Variants in PTOV1 observed in about 807,000 individuals in gnomAD.
PTOV1 encodes PTOV1 extended AT-hook containing adaptor protein.
PTOV1 carries 20 observed loss-of-function variants against 58.0 expected under a neutral mutation model. The ratio of observed to expected loss-of-function variants is 0.34; its 90% CI spans 0.24 to 0.50. The LOEUF is 0.50. Among genes scored for constraint, PTOV1 ranks in the 20% least tolerant of loss-of-function variants. The probability of loss-of-function intolerance (pLI) is 0.98; values close to 1 mark genes in which losing one functional copy is unlikely to be tolerated. For missense variants in PTOV1, 593 were observed against 565.4 expected, an observed-to-expected ratio of 1.05 and a Z score of -0.50; for synonymous variants, 335 against 234.2, an observed-to-expected ratio of 1.43 and a Z score of -3.93.
At position 49,859,982 on chromosome 19, in the gene PTOV1, C is replaced by G. The variant is rs757875037; in HGVS notation, c.1042-4C>G. On this transcript the variant is annotated splice_polypyrimidine_tract_variant and splice_region_variant and intron_variant, in intron 10 of 11. Transcript: ENST00000391842. ...CTGGTGACACCACGCCCTGTGCCTG[C>G]CAGGCCGGCTGCGTGCACTTTTCCT... is the stretch of plus-strand genomic sequence containing the variant. 1 of 1,614,034 alleles carries G rather than the reference C, an allele frequency of 6.2e-7. No homozygotes were observed.
intron 10 of PTOV1, chr19:49,859,735 G>GCCTGC: frequency 1.8e-6 from 1 of 552,794 alleles, no homozygotes; most frequent in Non-Finnish European, 3.2e-6. Context: ...ACACAGCCTG[G>GCCTGC]CCTGCCCAGG....
At chr19:49,860,376 GCATGTGGGGGGGGT>G in exon 12 of PTOV1, 486 of 520,644 alleles carry the variant, frequency 9.3e-4, no homozygotes, top group Non-Finnish European at 1.5e-3. Context: ...GGACCCTGGG[GCATGTGGGGGGGGT>G]GGGGTTGGGA....
chr19:49,858,723 C>T (rs918487297), intron 10 of PTOV1, 70 bp downstream of exon 10: 83 of 1,300,212 alleles, frequency 6.4e-5, no homozygotes, highest in South Asian at 1.8e-4. Flanking sequence ...CTCACGGGGG[C>T]GGACATGGGA....
chr19:49,852,489 T>G (rs2074292837), intron 1 of PTOV1: 1 of 152,206 alleles, frequency 6.6e-6, no homozygotes, highest in Admixed American at 6.5e-5. Flanking sequence ...GGCTTCCCTG[T>G]GCAATAGGGA....
At chr19:49,852,742 T>C (rs2122176090) in intron 1 of PTOV1, 1 of 152,358 alleles carries the variant, frequency 6.6e-6, no homozygotes, top group Non-Finnish European at 1.5e-5. Context: ...GCTTGGGCTC[T>C]TAAGTGCGTT....
At chr19:49,857,329 G>T in intron 6 of PTOV1, 199 bp downstream of exon 6, 1 of 748,600 alleles carries the variant, frequency 1.3e-6, no homozygotes, top group East Asian at 2.7e-5. Context: ...TGCAGGGCTG[G>T]AGGGTGGGTC....
Position 49,854,636 on chromosome 19 carries a change from C to T in PTOV1, c.310-16C>T, listed in dbSNP as rs570340094. ...CATCTAGGCTGTGCACAGTGACGCCCCTCCTGCCCCCACAGAAGCGCAGAC... is the reference window on the plus strand; with the variant it reads ...CATCTAGGCTGTGCACAGTGACGCCTCTCCTGCCCCCACAGAAGCGCAGAC... On this transcript the variant is annotated splice_polypyrimidine_tract_variant and intron_variant, in intron 2 of 11. Coordinates refer to ENST00000391842, the Ensembl canonical transcript of PTOV1. 8.1e-6 allele frequency: 13 copies of T among 1,613,376 alleles called. No individual in the cohort carries two copies. The South Asian group carries it at 1.2e-4, about 15-fold the overall frequency.
In PTOV1 at chr19:49,854,388, T is replaced by C. The variant is rs368991393; in HGVS notation, c.172-18T>C. ...GCCCCGGCCTCAGTTTTCCCACCTA[T>C]CCCCCACTCCATTGCAGGAAGGTGC... is the stretch of plus-strand genomic sequence containing the variant. On this transcript the variant is annotated intron_variant, in intron 1 of 11. Coordinates refer to ENST00000391842, the Ensembl canonical transcript of PTOV1. The C allele has an allele frequency of 4.3e-5, 69 of 1,600,604 alleles. No individual in the cohort carries two copies. In the African/African-American group the frequency reaches 6.7e-4, roughly 16 times the overall value.
exon 10 of PTOV1, chr19:49,858,600 A>C (rs1291416963): frequency 5.6e-6 from 9 of 1,606,998 alleles, no homozygotes; most frequent in Non-Finnish European, 7.6e-6. Flanking sequence ...GTTCCACTTC[A>C]CCAAGGACCT....
exon 3 of PTOV1, chr19:49,854,653 A>C: frequency 1.2e-6 from 2 of 1,613,372 alleles, no homozygotes; most frequent in African/African-American, 2.7e-5. Flanking sequence ...CCCCCACAGA[A>C]GCGCAGACCC....
At chr19:49,850,933 T>G (rs763167074), upstream of PTOV1, 44 of 1,535,832 alleles carry the variant, frequency 2.9e-5, no homozygotes, top group Non-Finnish European at 3.6e-5. Context: ...GGTGTCGCCT[T>G]CGTTCTTCTG....
Position 49,851,511 on chromosome 19 carries a change from G to A in PTOV1, c.171+12G>A. ...CGGCCCCTCCCATGGTGAGCCCCCCGCCCTTTTTCCAGAGCCTTCCACGGC... is the reference window on the plus strand; with the variant it reads ...CGGCCCCTCCCATGGTGAGCCCCCCACCCTTTTTCCAGAGCCTTCCACGGC... On this transcript the variant is annotated intron_variant, in intron 1 of 11. Transcript: ENST00000391842. 15 of 1,201,424 alleles carry A rather than the reference G, an allele frequency of 1.2e-5. No individual in the cohort carries two copies. The highest frequency in any genetic ancestry group is 1.6e-5 in the Non-Finnish European group (15 of 966,024). 74.4% of individuals were successfully genotyped at this position (1,201,424 alleles called of 1,614,324 possible). A position where few individuals can be genotyped will look rare whatever the true frequency, so the allele number is the denominator to read the frequency against.
chr19:49,852,004 A>G lies in PTOV1; in HGVS notation c.171+505A>G, dbSNP rs183506458. On this transcript the variant is annotated intron_variant, in intron 1 of 11. Coordinates refer to ENST00000391842, the Ensembl canonical transcript of PTOV1. ...ACCTAGAATACGCGCCCGCGCCCAC[A>G]TGTGGGATGCTTTGATGGACTGCCG... is the stretch of plus-strand genomic sequence containing the variant. 371 of 985,504 alleles carry G rather than the reference A, an allele frequency of 3.8e-4. 1 individual carries two copies. The African/African-American group carries it at 5.9e-3, about 16-fold the overall frequency. 61.0% of individuals were successfully genotyped at this position (985,504 alleles called of 1,614,324 possible).
chr19:49,853,610 T>C (rs1408796207), intron 1 of PTOV1, among the ~76,000 whole-genome samples: 1 of 129,502 alleles, frequency 7.7e-6, no homozygotes, highest in African/African-American at 3.1e-5. Context: ...AGTGAAACTC[T>C]GTCTCAAAAA....
At chr19:49,851,673 G>A (rs1306178350) in intron 1 of PTOV1, 174 bp downstream of exon 1, 3 of 1,145,526 alleles carry the variant, frequency 2.6e-6, no homozygotes, top group South Asian at 4.4e-5. Context: ...TTCGCGCCGC[G>A]CTCTCCCCTT....
At chr19:49,856,935 C>G (rs550827533) in intron 5 of PTOV1, 40 bp from the exon 6 acceptor site, 2 of 1,608,030 alleles carry the variant, frequency 1.2e-6, no homozygotes, top group Non-Finnish European at 1.7e-6. Flanking sequence ...ACAGTGGCCC[C>G]GGGCAGTGAC....
At chr19:49,855,038 C>T (rs1267177197) in exon 5 of PTOV1, 1 of 1,600,062 alleles carries the variant, frequency 6.2e-7, no homozygotes, top group Middle Eastern at 1.7e-4. Flanking sequence ...GAGACTGCGA[C>T]TCGCTCAAGG....
At chr19:49,858,995 A>AG (rs2074612429) in intron 10 of PTOV1, 1 of 216,186 alleles carries the variant, frequency 4.6e-6, no homozygotes, top group Non-Finnish European at 9.2e-6. Context: ...CTGGGCAGGG[A>AG]GGGCTGTCTG....
chr19:49,857,644 G>A, intron 6 of PTOV1, 49 bp from the exon 7 acceptor site: 1 of 1,556,510 alleles, frequency 6.4e-7, no homozygotes, highest in Non-Finnish European at 8.8e-7. Context: ...AGACAGACAG[G>A]TTTCCCAGGA....
Sources: allele counts gnomAD v4.1 joint callset (sites outside exome capture counted in the v4.1 genomes callset), GRCh38; gene constraint gnomAD v4.1.1; transcripts MANE v1.5; gene names NCBI Gene and HGNC (gene_info 2026-07-23, HGNC 2026-07-21).